The following MGME1 variants were observed in gnomAD, a reference collection of about 807,000 sequenced individuals.
The protein encoded by MGME1 is mitochondrial genome maintenance exonuclease 1.
MGME1 carries 22 observed loss-of-function variants against 33.0 expected under a neutral mutation model. The ratio of observed to expected loss-of-function variants is 0.67; its 90% CI spans 0.48 to 0.95. The LOEUF (loss-of-function observed/expected upper bound fraction) is 0.95. MGME1 is among the 40% of genes least tolerant of loss of function. The pLI is 0.00. For missense variants in MGME1, 383 were observed against 397.8 expected (o/e 0.96, Z 0.32); for synonymous variants, 133 against 144.0 (o/e 0.92, Z 0.55).
intron 3 of MGME1, among the ~76,000 whole-genome samples, chr20:17,983,134 C>T (rs2036068203): frequency 6.6e-6 from 1 of 152,110 alleles, no homozygotes; most frequent in African/African-American, 2.4e-5. Flanking sequence ...TTTTTAGATT[C>T]CACATATAAA....
rs373816138 is a variant in MGME1 at position 17,975,733 on chromosome 20, T to G, written c.561T>G (p.Leu187=). 32 of 1,613,972 alleles carry G rather than the reference T, an allele frequency of 2.0e-5. No homozygotes were observed. Among genetic ancestry groups the G allele is most frequent in the Non-Finnish European group, 2.6e-5 (31 of 1,180,044 alleles). The change falls in exon 3 of 5, where the codon CTT becomes CTG. Residue 187 remains leucine (L), a synonymous_variant. Transcript: ENST00000377710. ...TCCACGAAGCCTTGGAAAGCATACT[T>G]TCACCCCAGGAAACCTTAAAAGAGA... The part of the protein sequence containing the change: ...KRFHEALESI[L]SPQETLKERD...
At position 17,990,072 on chromosome 20, in the gene MGME1, A is replaced by G. The variant is rs1192537115; in HGVS notation, c.998A>G (p.Lys333Arg). Residue 333 changes from lysine (K) to arginine (R), a missense_variant, in exon 5 of 5, where the codon AAG (lysine) becomes AGG (arginine). Physicochemically the swap from Lys to Arg is conservative, Grantham distance 26 (BLOSUM62 2). Transcript: ENST00000377710. Reference protein sequence around the residue: ...LRLEEYTEKKKNQNIQKPEYS... With the variant: ...LRLEEYTEKKRNQNIQKPEYS... ...CTAGAAGAATATACGGAAAAGAAAA[A>G]GAACCAGAATATTCAGAAACCAGAA... The G allele has an allele frequency of 6.2e-6, 10 of 1,614,148 alleles. No individual in the cohort carries two copies. The highest frequency in any genetic ancestry group is 8.5e-6 in the Non-Finnish European group (10 of 1,180,006).
intron 3 of MGME1, among the ~76,000 whole-genome samples, chr20:17,977,781 A>G (rs1274112165): frequency 6.6e-6 from 1 of 152,178 alleles, no homozygotes; most frequent in Non-Finnish European, 1.5e-5. Context: ...TCTAGAGGCT[A>G]TGAATGCCTG....
At position 17,975,694 on chromosome 20, in the gene MGME1, A is replaced by T. The variant is rs1331112901; in HGVS notation, c.522A>T (p.Leu174Phe). The T allele has an allele frequency of 6.2e-6, 10 of 1,611,324 alleles. No individual in the cohort carries two copies. ...TGATTTTCTTTTCAGACGTCTTTTT[A>T]CAAGGGAAACGGTTCCACGAAGCCT... ...GFKEYTSNVF[L>F]QGKRFHEALE... The change falls in exon 3 of 5, where the codon TTA (leucine) becomes TTT (phenylalanine). Residue 174 changes from leucine to phenylalanine, a missense_variant. By Grantham distance (22) the Leu-to-Phe change is conservative. Transcript: ENST00000377710.
At chr20:17,978,226 C>T (rs754414002) in intron 3 of MGME1, among the ~76,000 whole-genome samples, 27 of 152,068 alleles carry the variant, frequency 1.8e-4, no homozygotes, top group Admixed American at 5.9e-4. Context: ...ATTTTTGAGA[C>T]GGAGTTTCAC....
At chr20:17,970,456 G>GT in intron 2 of MGME1, 86 bp downstream of exon 2, 3 of 1,431,548 alleles carry the variant, frequency 2.1e-6, no homozygotes, top group Admixed American at 2.3e-5. Context: ...GTTTGGTTTT[G>GT]TTTTTTTAAC....
intron 4 of MGME1, among the ~76,000 whole-genome samples, chr20:17,988,681 G>C (rs1283982147): frequency 1.3e-5 from 2 of 149,254 alleles, no homozygotes; most frequent in East Asian, 2.0e-4. Context: ...TTCTCAGTGG[G>C]GGGGTAGGAG....
chr20:17,990,421 G>GC lies in MGME1; in HGVS notation c.*312_*313insC. On this transcript the variant is annotated 3_prime_UTR_variant, in exon 5 of 5. Coordinates refer to ENST00000377710, the MANE Select transcript of MGME1 (RefSeq NM_052865.4). Reference sequence around the variant, plus strand: ...CCCTTGAGGGACATTGGGGGGGGGGGGGCGTGGTCCCAGGCAGGATGCCCA... The same window carrying GC: ...CCCTTGAGGGACATTGGGGGGGGGGGCGGCGTGGTCCCAGGCAGGATGCCCA... 3.2e-6 allele frequency: 1 copy of GC among 316,164 alleles called. No homozygotes were observed. Among genetic ancestry groups the GC allele is most frequent in the South Asian group, 3.6e-5 (1 of 27,892 alleles). 19.6% of individuals were successfully genotyped at this position (316,164 alleles called of 1,614,324 possible). A position where few individuals can be genotyped will look rare whatever the true frequency, so the allele number is the denominator to read the frequency against.
intron 3 of MGME1, among the ~76,000 whole-genome samples, chr20:17,984,021 G>C (rs1422059860): frequency 1.3e-5 from 2 of 152,024 alleles, no homozygotes; most frequent in Non-Finnish European, 2.9e-5. Flanking sequence ...GTGTTGGGGA[G>C]CTTTTCTCCT....
intron 2 of MGME1, among the ~76,000 whole-genome samples, chr20:17,973,718 C>T (rs1231719647): frequency 1.3e-5 from 2 of 151,904 alleles, no homozygotes; most frequent in Non-Finnish European, 2.9e-5. Context: ...GTTCCAAGCA[C>T]GTGTATTTCC....
chr20:17,984,846 G>A (rs6111774), intron 3 of MGME1, among the ~76,000 whole-genome samples: 4 of 151,828 alleles, frequency 2.6e-5, no homozygotes, highest in African/African-American at 9.7e-5. Flanking sequence ...GACCAGCCTA[G>A]GCAACACGAT....
At chr20:17,979,737 T>C (rs1173737182) in intron 3 of MGME1, among the ~76,000 whole-genome samples, 1 of 151,336 alleles carries the variant, frequency 6.6e-6, no homozygotes, top group African/African-American at 2.4e-5. Context: ...TATTTTATTT[T>C]AGTTTATTTT....
chr20:17,984,448 G>A (rs918767316), intron 3 of MGME1, among the ~76,000 whole-genome samples: 77 of 151,994 alleles, frequency 5.1e-4, no homozygotes, highest in African/African-American at 1.7e-3. Flanking sequence ...CATACTACTC[G>A]TGTTCGTGGT....
At chr20:17,969,526 C>G (rs1568603672) in intron 1 of MGME1, among the ~76,000 whole-genome samples, 1 of 152,328 alleles carries the variant, frequency 6.6e-6, no homozygotes, top group Non-Finnish European at 1.5e-5. Flanking sequence ...TTTTCCGTGT[C>G]TCGCACACGC....
chr20:17,973,623 C>G (rs2035783723), intron 2 of MGME1, among the ~76,000 whole-genome samples: 1 of 140,048 alleles, frequency 7.1e-6, no homozygotes, highest in African/African-American at 2.8e-5. Context: ...TCCTGGGTGA[C>G]AAGTAAGACC....
At chr20:17,985,447 A>G (rs532383765) in intron 3 of MGME1, among the ~76,000 whole-genome samples, 4 of 152,144 alleles carry the variant, frequency 2.6e-5, no homozygotes, top group Non-Finnish European at 5.9e-5. Flanking sequence ...AAGTTTATAC[A>G]GTAAAAAAGT....
intron 3 of MGME1, among the ~76,000 whole-genome samples, chr20:17,987,916 G>T (rs563945430): frequency 6.6e-6 from 1 of 151,982 alleles, no homozygotes; most frequent in African/African-American, 2.4e-5. Flanking sequence ...GAGAAAAAGT[G>T]GGGGGGTGCA....
chr20:17,977,383 AAAAAT>A (rs1348042311), intron 3 of MGME1, among the ~76,000 whole-genome samples: 2 of 152,020 alleles, frequency 1.3e-5, no homozygotes, highest in African/African-American at 2.4e-5. Context: ...TCAAAAAAAA[AAAAAT>A]AAAAGAAAGA....
intron 3 of MGME1, among the ~76,000 whole-genome samples, chr20:17,981,776 C>T (rs2036028543): frequency 6.6e-6 from 1 of 151,996 alleles, no homozygotes; most frequent in African/African-American, 2.4e-5. Context: ...GCAATTCTGC[C>T]TCGCCCTCCT....
Sources: allele counts gnomAD v4.1 joint callset (sites outside exome capture counted in the v4.1 genomes callset), GRCh38; gene constraint gnomAD v4.1.1; transcripts MANE v1.5; gene names NCBI Gene and HGNC (gene_info 2026-07-23, HGNC 2026-07-21).